Variants in ALDH1A2 observed in about 807,000 individuals in gnomAD.
ALDH1A2 encodes retinal dehydrogenase 2.
Under a neutral mutation model 60.3 loss-of-function variants are expected in ALDH1A2, and 27 were observed. That is an observed-to-expected ratio of 0.45 (90% CI 0.33 to 0.62). The LOEUF (loss-of-function observed/expected upper bound fraction) is 0.62. Among genes scored for constraint, ALDH1A2 ranks in the 20% least tolerant of loss-of-function variants. The pLI, the probability that ALDH1A2 is intolerant of heterozygous loss-of-function variation, is 0.02. For synonymous variants in ALDH1A2, 289 were observed against 232.4 expected, an observed-to-expected ratio of 1.24 and a Z score of -2.21; for missense variants, 581 against 643.8, an observed-to-expected ratio of 0.90 and a Z score of 1.06.
intron 9 of ALDH1A2, 119 bp from the exon 10 acceptor site, chr15:57,962,295 A>T (rs568349691): frequency 4.8e-5 from 62 of 1,287,586 alleles, no homozygotes; most frequent in Non-Finnish European, 5.4e-5. Context: ...ACCCAGTCAG[A>T]TCATATAAAA....
intron 1 of ALDH1A2, among the ~76,000 whole-genome samples, chr15:58,054,617 C>T (rs1303007142): frequency 6.6e-6 from 1 of 152,104 alleles, no homozygotes; most frequent in Non-Finnish European, 1.5e-5. Context: ...GAAATTATAG[C>T]CCAGTTACAC....
chr15:57,989,472 C>CAAAT (rs1473797980), intron 7 of ALDH1A2, among the ~76,000 whole-genome samples: 1 of 151,942 alleles, frequency 6.6e-6, no homozygotes, highest in African/African-American at 2.4e-5. Flanking sequence ...TTTGAAAAAC[C>CAAAT]AAATAAGAGG....
Position 58,013,959 on chromosome 15 carries a change from A to C in ALDH1A2, c.262T>G (p.Phe88Val), listed in dbSNP as rs1595667338. ...DKAVQAARLA[F>V]SLGSVWRRMD... is the part of the protein sequence containing the mutation. Reference sequence around the variant, plus strand: ...CTTCTCCACACTGAACCAAGAGAGAAAGCCAGGCGGGCTGCCTGCACTGCT... The same window carrying C: ...CTTCTCCACACTGAACCAAGAGAGACAGCCAGGCGGGCTGCCTGCACTGCT... The change falls in exon 3 of 13, where the codon TTC becomes GTC. Residue 88 changes from phenylalanine (F) to valine (V), a missense_variant. This residue lies in a region of ALDH1A2 where 206 missense variants were observed against 174.1 expected (regional missense o/e 1.18). Coordinates refer to ENST00000249750, the MANE Select transcript of ALDH1A2 (RefSeq NM_003888.4). 1 of 1,614,138 alleles carries C rather than the reference A, an allele frequency of 6.2e-7. No individual in the cohort carries two copies. Among genetic ancestry groups the C allele is most frequent in the Non-Finnish European group, 8.5e-7 (1 of 1,180,000 alleles).
Position 57,960,834 on chromosome 15 carries a change from A to G in ALDH1A2, c.1420T>C (p.Tyr474His). ...GGGCTCTGGGCATTTAAGGCATTGTAACAATTGATCCTGAAAGAAGAAAAC... is the reference window on the plus strand; with the variant it reads ...GGGCTCTGGGCATTTAAGGCATTGTGACAATTGATCCTGAAAGAAGAAAAC... ...MQAGTVWINC[Y>H]NALNAQSPFG... The change falls in exon 12 of 13, where the codon TAC becomes CAC. Residue 474 changes from tyrosine to histidine, a missense_variant. By Grantham distance (83) the Tyr-to-His change is moderately conservative (BLOSUM62 2). This residue lies in a region of ALDH1A2 where 375 missense variants were observed against 469.7 expected (regional missense o/e 0.80). Transcript: ENST00000249750. The G allele has an allele frequency of 6.2e-7, 1 of 1,613,950 alleles. No homozygotes were observed. The highest frequency in any genetic ancestry group is 8.5e-7 in the Non-Finnish European group (1 of 1,179,810).
In ALDH1A2 at chr15:58,041,713, T is replaced by C. The variant is rs557034468; in HGVS notation, c.117+23821A>G. Among the ~76,000 whole-genome samples, 8 of 152,060 alleles carry C rather than the reference T, an allele frequency of 5.3e-5. No individual in the cohort carries two copies. The South Asian group carries it at 1.7e-3, about 31-fold the overall frequency. On this transcript the variant is annotated intron_variant, in intron 1 of 12. Coordinates refer to ENST00000249750, the MANE Select transcript of ALDH1A2 (RefSeq NM_003888.4). Reference sequence around the variant, plus strand: ...TCCCAAAGTTCTCATCTCCTAATACTATCACCTTTGTATAGGAGTCCTCCT... The same window carrying C: ...TCCCAAAGTTCTCATCTCCTAATACCATCACCTTTGTATAGGAGTCCTCCT...
At chr15:57,957,439 G>A (rs1377966431) in intron 12 of ALDH1A2, among the ~76,000 whole-genome samples, 2 of 152,172 alleles carry the variant, frequency 1.3e-5, no homozygotes, top group African/African-American at 2.4e-5. Context: ...AGAGGTCATT[G>A]AGCCCTGAAG....
intron 1 of ALDH1A2, among the ~76,000 whole-genome samples, chr15:58,053,659 G>A (rs760903596): frequency 2.6e-5 from 4 of 151,850 alleles, no homozygotes; most frequent in South Asian, 2.1e-4. Flanking sequence ...TCTTTTCTAC[G>A]CCCTCTCTTT....
In ALDH1A2 at chr15:58,014,580, A is replaced by T. The variant is rs890379417; in HGVS notation, c.118-299T>A. 2.8e-4 allele frequency: 134 copies of T among 478,468 alleles called. 1 individual carries two copies. The highest frequency in any genetic ancestry group is 2.1e-3 in the South Asian group (134 of 64,630). The allele number at this position is 478,468 out of a possible 1,614,324, so 29.6% of individuals were successfully genotyped here. ...TACATACAATCATACACTGATGCTA[A>T]GGCAAGAGTTATCGATAGCCCAAGC... On this transcript the variant is annotated intron_variant, in intron 1 of 12. Coordinates refer to ENST00000249750, the MANE Select transcript of ALDH1A2 (RefSeq NM_003888.4).
At chr15:58,009,731 G>C (rs1401670359) in intron 4 of ALDH1A2, among the ~76,000 whole-genome samples, 1 of 151,896 alleles carries the variant, frequency 6.6e-6, no homozygotes, top group Non-Finnish European at 1.5e-5. Context: ...TACAAGCCTA[G>C]GTTCTAACGT....
chr15:58,009,455 A>C (rs1211810543), intron 4 of ALDH1A2, among the ~76,000 whole-genome samples: 1 of 151,968 alleles, frequency 6.6e-6, no homozygotes, highest in African/African-American at 2.4e-5. Flanking sequence ...AGCCTGGCTA[A>C]GAAGGCCCAA....
At chr15:57,974,311 T>A (rs1252704103) in intron 7 of ALDH1A2, among the ~76,000 whole-genome samples, 1 of 151,420 alleles carries the variant, frequency 6.6e-6, no homozygotes, top group African/African-American at 2.4e-5. Flanking sequence ...CGGGCGCCTG[T>A]AGTTCCAGCT....
At chr15:57,958,787 G>A (rs1183155115) in intron 12 of ALDH1A2, among the ~76,000 whole-genome samples, 1 of 152,154 alleles carries the variant, frequency 6.6e-6, no homozygotes, top group African/African-American at 2.4e-5. Flanking sequence ...GGTCATTTAA[G>A]AAAGAGAAAA....
intron 4 of ALDH1A2, among the ~76,000 whole-genome samples, chr15:57,996,468 G>C (rs1222614683): frequency 6.7e-6 from 1 of 148,740 alleles, no homozygotes; most frequent in East Asian, 2.0e-4. Context: ...ATACAAACGG[G>C]ATATTATTCA....
chr15:58,065,295 GC>G, intron 1 of ALDH1A2: 1 of 546,354 alleles, frequency 1.8e-6, no homozygotes, highest in African/African-American at 1.9e-5. Context: ...GTTGACGGCT[GC>G]CCCTCAACGC....
At chr15:58,039,157 T>G (rs1265976026) in intron 1 of ALDH1A2, among the ~76,000 whole-genome samples, 1 of 151,830 alleles carries the variant, frequency 6.6e-6, no homozygotes, top group African/African-American at 2.4e-5. Flanking sequence ...GCATTTAATC[T>G]GACTTTCATT....
intron 9 of ALDH1A2, among the ~76,000 whole-genome samples, chr15:57,962,607 T>C (rs1455149074): frequency 1.3e-5 from 2 of 152,150 alleles, no homozygotes; most frequent in South Asian, 2.1e-4. Context: ...TACCCAATCT[T>C]ATTGTGGTTT....
chr15:58,031,898 C>T (rs189734011), intron 1 of ALDH1A2, among the ~76,000 whole-genome samples: 2,072 of 152,258 alleles, frequency 0.014, 53 homozygotes, highest in African/African-American at 0.047. Context: ...CACTTTTACA[C>T]TGTTGGTGGG....
intron 1 of ALDH1A2, among the ~76,000 whole-genome samples, chr15:58,025,759 G>A (rs1316732436): frequency 6.6e-6 from 1 of 152,214 alleles, no homozygotes; most frequent in African/African-American, 2.4e-5. Context: ...TCTGCTCTTA[G>A]TGAGGCCACA....
chr15:57,980,364 C>G (rs140623553), intron 7 of ALDH1A2: 1 of 385,000 alleles, frequency 2.6e-6, no homozygotes, highest in Non-Finnish European at 5.2e-6. Context: ...TAGCTGACTA[C>G]AGCCTTGATG....
Sources: gnomAD v4.1 joint callset for allele counts (sites outside exome capture counted in the v4.1 genomes callset) on GRCh38, gnomAD v4.1.1 for gene constraint, gnomAD v4.1.1 regional missense constraint, MANE v1.5 for transcripts, NCBI Gene and HGNC (gene_info 2026-07-23, HGNC 2026-07-21) for gene names.